Variants in MCU observed in about 807,000 individuals in gnomAD.
The protein encoded by MCU is calcium uniporter protein, mitochondrial.
Under a neutral mutation model 45.2 loss-of-function variants are expected in MCU, and 12 were observed. The observed-to-expected ratio is 0.27, with a 90% confidence interval of 0.17 to 0.43. MCU has a LOEUF of 0.43. Among genes scored for constraint, MCU ranks in the 20% least tolerant of loss-of-function variants. The probability of loss-of-function intolerance (pLI) is 1.00; values close to 1 mark genes in which losing one functional copy is unlikely to be tolerated. For missense variants in MCU, 324 were observed against 436.7 expected (o/e 0.74, Z 2.30); for synonymous variants, 160 against 165.1 (o/e 0.97, Z 0.24).
chr10:72,774,582 C>T (rs536800435), intron 1 of MCU, among the ~76,000 whole-genome samples: 167 of 151,994 alleles, frequency 1.1e-3, no homozygotes, highest in Non-Finnish European at 1.8e-3. Context: ...TGTCAGTTCT[C>T]CAATTAAAAG....
chr10:72,822,014 G>A (rs1273449968), intron 1 of MCU, among the ~76,000 whole-genome samples: 2 of 152,192 alleles, frequency 1.3e-5, no homozygotes, highest in South Asian at 2.1e-4. Context: ...GGTGGCTCAC[G>A]CCTGTAATCC....
chr10:72,769,540 C>G (rs1174592083), intron 1 of MCU, among the ~76,000 whole-genome samples: 1 of 152,138 alleles, frequency 6.6e-6, no homozygotes, highest in Admixed American at 6.6e-5. Context: ...GCCTCAGTCT[C>G]CTGAGTAGCT....
chr10:72,770,633 CCTT>C (rs1448287608), intron 1 of MCU, among the ~76,000 whole-genome samples: 1 of 151,974 alleles, frequency 6.6e-6, no homozygotes, highest in Admixed American at 6.6e-5. Context: ...TTAATATTCA[CCTT>C]CTTATTTACC....
chr10:72,789,292 G>A (rs1763931003), intron 1 of MCU, among the ~76,000 whole-genome samples: 1 of 152,128 alleles, frequency 6.6e-6, no homozygotes, highest in South Asian at 2.1e-4. Context: ...TGTAATTAAA[G>A]TTTTCTTGTT....
chr10:72,878,111 CTTTTTTTTTTT>C (rs10715401), intron 6 of MCU, among the ~76,000 whole-genome samples: 842 of 78,042 alleles, frequency 0.011, 30 homozygotes, highest in African/African-American at 0.046. Flanking sequence ...AATAATTTTG[CTTTTTTTTTTT>C]TTTTTTTTTT....
intron 1 of MCU, among the ~76,000 whole-genome samples, chr10:72,778,533 G>A (rs1033491173): frequency 9.2e-5 from 14 of 152,074 alleles, no homozygotes; most frequent in Non-Finnish European, 1.3e-4. Flanking sequence ...GGTTGGAGCC[G>A]GGGGGTGGGG....
intron 2 of MCU, among the ~76,000 whole-genome samples, chr10:72,855,421 CA>C (rs59532873): frequency 4.7e-4 from 68 of 144,276 alleles, no homozygotes; most frequent in Middle Eastern, 3.7e-3. Context: ...CTACCCCCAC[CA>C]AAAAAAAAAA....
chr10:72,855,059 T>C (rs1314643396), intron 2 of MCU, among the ~76,000 whole-genome samples: 10 of 151,984 alleles, frequency 6.6e-5, no homozygotes, highest in Non-Finnish European at 1.5e-5. Flanking sequence ...CTGGCCAACA[T>C]AGTGAAACCC....
intron 1 of MCU, among the ~76,000 whole-genome samples, chr10:72,786,908 T>G (rs1227492806): frequency 6.6e-6 from 1 of 152,168 alleles, no homozygotes; most frequent in Non-Finnish European, 1.5e-5. Context: ...CTTACACAAA[T>G]CACCAAATGT....
intron 1 of MCU, among the ~76,000 whole-genome samples, chr10:72,737,963 A>C (rs942702869): frequency 1.3e-5 from 2 of 152,180 alleles, no homozygotes; most frequent in African/African-American, 4.8e-5. Context: ...AGGGATGAGC[A>C]GTGGTATTGT....
At chr10:72,792,404 G>GA (rs982480802) in intron 1 of MCU, among the ~76,000 whole-genome samples, 18 of 152,134 alleles carry the variant, frequency 1.2e-4, no homozygotes, top group African/African-American at 4.1e-4. Flanking sequence ...TAAAAATTTG[G>GA]AATCAGCGGA....
chr10:72,852,881 T>C (rs994291485), intron 2 of MCU, among the ~76,000 whole-genome samples: 2 of 152,188 alleles, frequency 1.3e-5, no homozygotes, highest in Admixed American at 1.3e-4. Flanking sequence ...AAATGAATAA[T>C]TTTGCTTCCC....
At chr10:72,709,331 A>G (rs1334462726) in intron 1 of MCU, among the ~76,000 whole-genome samples, 1 of 152,224 alleles carries the variant, frequency 6.6e-6, no homozygotes, top group Non-Finnish European at 1.5e-5. Context: ...TTTTAAAACA[A>G]TACAGATGTC....
At chr10:72,718,591 A>G (rs1021896720) in intron 1 of MCU, among the ~76,000 whole-genome samples, 2 of 152,236 alleles carry the variant, frequency 1.3e-5, no homozygotes, top group African/African-American at 2.4e-5. Context: ...TATTTACAAA[A>G]GTTGAACACA....
chr10:72,827,608 G>A (rs189467414), intron 1 of MCU, among the ~76,000 whole-genome samples: 5 of 152,228 alleles, frequency 3.3e-5, no homozygotes, highest in African/African-American at 1.2e-4. Context: ...TTTTTGAAAT[G>A]TGTTATAGTA....
chr10:72,741,098 C>CTTTT (rs11310286), intron 1 of MCU, among the ~76,000 whole-genome samples: 5 of 124,668 alleles, frequency 4.0e-5, no homozygotes, highest in Non-Finnish European at 8.7e-5. Context: ...TTTTCTTTTT[C>CTTTT]TTTTTTTTTT....
chr10:72,722,635 T>A (rs1010694922), intron 1 of MCU, among the ~76,000 whole-genome samples: 7 of 152,076 alleles, frequency 4.6e-5, no homozygotes, highest in African/African-American at 1.7e-4. Context: ...GGGGTAACTT[T>A]GACAACCCAT....
intron 1 of MCU, among the ~76,000 whole-genome samples, chr10:72,704,823 C>T (rs1203529523): frequency 6.7e-6 from 1 of 149,378 alleles, no homozygotes; most frequent in African/African-American, 2.5e-5. Flanking sequence ...CTGGTTCAAG[C>T]AGTTCTCCTA....
At chr10:72,743,962 T>C (rs578157413) in intron 1 of MCU, among the ~76,000 whole-genome samples, 4 of 151,988 alleles carry the variant, frequency 2.6e-5, no homozygotes, top group Non-Finnish European at 4.4e-5. Flanking sequence ...CATTTGTGTT[T>C]TGTAGGTTAT....
Sources: allele counts gnomAD v4.1 joint callset (sites outside exome capture counted in the v4.1 genomes callset), GRCh38; gene constraint gnomAD v4.1.1; transcripts MANE v1.5; gene names NCBI Gene and HGNC (gene_info 2026-07-23, HGNC 2026-07-21).